ENOX2: variants seen among roughly 807,000 people sequenced by gnomAD.
The protein encoded by ENOX2 is APK1 antigen.
In ENOX2, 36 loss-of-function variants were observed where a neutral mutation model predicts 45.0. The ratio of observed to expected loss-of-function variants is 0.80; its 90% CI spans 0.61 to 1.06. The LOEUF is 1.06. Among genes scored for constraint, ENOX2 ranks in the 50% least tolerant of loss-of-function variants. The pLI is 0.00. For synonymous variants in ENOX2, 174 were observed against 152.3 expected, an observed-to-expected ratio of 1.14 and a Z score of -1.05; for missense variants, 423 against 462.5, an observed-to-expected ratio of 0.91 and a Z score of 0.78.
chrX:130,844,940 A>T (rs1017510756), intron 2 of ENOX2, among the ~76,000 whole-genome samples: 1 of 112,417 alleles, frequency 8.9e-6, no homozygotes, highest in African/African-American at 3.2e-5. Flanking sequence ...TTGATTGATA[A>T]GAAGGATACG....
intron 3 of ENOX2, among the ~76,000 whole-genome samples, chrX:130,710,012 G>A (rs981712741): frequency 9.1e-6 from 1 of 110,494 alleles, no homozygotes; most frequent in African/African-American, 3.3e-5. Context: ...GAGAACATAT[G>A]GTATTTGGTT....
intron 3 of ENOX2, among the ~76,000 whole-genome samples, chrX:130,763,336 G>A (rs2039538044): frequency 9.0e-6 from 1 of 111,178 alleles, no homozygotes; most frequent in African/African-American, 3.3e-5. Flanking sequence ...GGGCAGGGGT[G>A]GGAGTTCCAG....
At chrX:130,749,509 T>C (rs1000966427) in intron 3 of ENOX2, among the ~76,000 whole-genome samples, 11 of 111,207 alleles carry the variant, frequency 9.9e-5, no homozygotes, top group African/African-American at 3.6e-4. Flanking sequence ...CAACCCAAAC[T>C]CCACAGTACT....
intron 3 of ENOX2, among the ~76,000 whole-genome samples, chrX:130,773,598 T>C (rs2039790880): frequency 9.0e-6 from 1 of 111,630 alleles, no homozygotes; most frequent in Non-Finnish European, 1.9e-5. Context: ...CAGAAGAATG[T>C]GGCTGGAGAT....
chrX:130,803,974 C>A (rs376355774), intron 2 of ENOX2, among the ~76,000 whole-genome samples: 1 of 110,945 alleles, frequency 9.0e-6, no homozygotes, highest in Admixed American at 9.6e-5. Flanking sequence ...TCATATGGAC[C>A]CCAAACCTCT....
intron 7 of ENOX2, among the ~76,000 whole-genome samples, chrX:130,668,076 TGAGA>T (rs755689837): frequency 1.0e-3 from 107 of 102,348 alleles, no homozygotes; most frequent in Admixed American, 2.0e-3. Context: ...TGTGTGTGTG[TGAGA>T]GAGAGAGAGA....
At chrX:130,815,833 C>T (rs752222778) in intron 2 of ENOX2, among the ~76,000 whole-genome samples, 25 of 111,733 alleles carry the variant, frequency 2.2e-4, no homozygotes, top group Non-Finnish European at 3.9e-4. Context: ...GAAGACACTG[C>T]ATCAACTAAT....
chrX:130,861,776 T>C (rs1038816438), intron 2 of ENOX2, among the ~76,000 whole-genome samples: 3 of 111,052 alleles, frequency 2.7e-5, no homozygotes, highest in African/African-American at 6.6e-5. Context: ...GTAGATCTTA[T>C]GTTAAGTGTT....
intron 5 of ENOX2, among the ~76,000 whole-genome samples, chrX:130,682,583 CAAAAAAAAAAAAA>C (rs55875735): frequency 2.0e-4 from 3 of 14,657 alleles, no homozygotes; most frequent in East Asian, 3.2e-3. Flanking sequence ...GACTCCGTCT[CAAAAAAAAAAAAA>C]AAAAAAAAAA....
At chrX:130,879,247 G>A (rs1327612988) in intron 2 of ENOX2, among the ~76,000 whole-genome samples, 2 of 111,798 alleles carry the variant, frequency 1.8e-5, no homozygotes, top group Non-Finnish European at 3.8e-5. Flanking sequence ...AGTGTATAAA[G>A]AATCTAAAGA....
At chrX:130,775,872 G>A (rs1208047250) in intron 3 of ENOX2, among the ~76,000 whole-genome samples, 1 of 111,084 alleles carries the variant, frequency 9.0e-6, no homozygotes, top group Non-Finnish European at 1.9e-5. Context: ...AACAAGCAGA[G>A]CAGTAACCAT....
chrX:130,875,249 T>C (rs1287332940), intron 2 of ENOX2, among the ~76,000 whole-genome samples: 1 of 109,679 alleles, frequency 9.1e-6, no homozygotes, highest in African/African-American at 3.3e-5. Flanking sequence ...GTAATTGTTT[T>C]TGAAATCTAA....
At chrX:130,763,365 T>C (rs1603342458) in intron 3 of ENOX2, among the ~76,000 whole-genome samples, 1 of 111,446 alleles carries the variant, frequency 9.0e-6, no homozygotes, top group East Asian at 2.8e-4. Context: ...TAGTCTCCAA[T>C]GACACTTTGC....
At chrX:130,642,111 A>G (rs771866077) in intron 10 of ENOX2, among the ~76,000 whole-genome samples, 1 of 112,400 alleles carries the variant, frequency 8.9e-6, no homozygotes, top group Non-Finnish European at 1.9e-5. Flanking sequence ...TGTAAAGTAG[A>G]TTGGAAACCT....
At chrX:130,754,691 A>T (rs1176669174) in intron 3 of ENOX2, among the ~76,000 whole-genome samples, 1 of 110,688 alleles carries the variant, frequency 9.0e-6, no homozygotes, top group Non-Finnish European at 1.9e-5. Context: ...AACATTGGGT[A>T]CACATGGACA....
intron 5 of ENOX2, among the ~76,000 whole-genome samples, chrX:130,688,654 T>C (rs189057474): frequency 1.1e-3 from 127 of 111,932 alleles, no homozygotes; most frequent in African/African-American, 3.9e-3. Flanking sequence ...CATGTATCAT[T>C]TGTACTGCAA....
chrX:130,784,139 T>C (rs933567838), intron 2 of ENOX2, among the ~76,000 whole-genome samples: 9 of 111,532 alleles, frequency 8.1e-5, no homozygotes, highest in Non-Finnish European at 1.7e-4. Context: ...AATAGTAATA[T>C]AGGGGTCTCT....
rs186524049 is a variant in ENOX2 at position 130,871,783 on chromosome X, C to T, written c.-183+29901G>A. Among the ~76,000 whole-genome samples the T allele has an allele frequency of 1.4e-4, 16 of 110,829 alleles. No homozygotes were observed. The East Asian group carries it at 4.6e-3, about 32-fold the overall frequency. Reference sequence around the variant, plus strand: ...ACACATCTCCCTTACACCTTCTTTTCTAAGCCACCGAGGAACAGAAACCTC... The same window carrying T: ...ACACATCTCCCTTACACCTTCTTTTTTAAGCCACCGAGGAACAGAAACCTC... On this transcript the variant is annotated intron_variant, in intron 2 of 14. Coordinates refer to ENST00000394363, the MANE Select transcript of ENOX2 (RefSeq NM_006375.4).
At chrX:130,777,544 A>G (rs1165819253) in intron 3 of ENOX2, among the ~76,000 whole-genome samples, 5 of 110,427 alleles carry the variant, frequency 4.5e-5, no homozygotes, top group African/African-American at 1.7e-4. Context: ...CCAACTCTAA[A>G]ACACTAGACT....
Sources: gnomAD v4.1 joint callset for allele counts (sites outside exome capture counted in the v4.1 genomes callset) on GRCh38, gnomAD v4.1.1 for gene constraint, MANE v1.5 for transcripts, NCBI Gene and HGNC (gene_info 2026-07-23, HGNC 2026-07-21) for gene names.